GAK: variants seen among roughly 807,000 people sequenced by gnomAD.
GAK encodes the protein cyclin-G-associated kinase.
Under a neutral mutation model 143.9 loss-of-function variants are expected in GAK, and 79 were observed. That is an observed-to-expected ratio of 0.55 (90% CI 0.46 to 0.66). The LOEUF is 0.66. Among genes scored for constraint, GAK ranks in the 30% least tolerant of loss-of-function variants. The pLI is 0.00. For missense variants in GAK, 1,693 were observed against 1,779.7 expected (o/e 0.95, Z 0.88); for synonymous variants, 881 against 765.5 (o/e 1.15, Z -2.49).
intron 1 of GAK, among the ~76,000 whole-genome samples, chr4:927,652 C>A: frequency 9.3e-6 from 1 of 107,916 alleles, no homozygotes; most frequent in Non-Finnish European, 1.9e-5. Flanking sequence ...CCGCACCCCT[C>A]CCCGCTCACC....
chr4:877,053 G>C (rs1195211899), intron 17 of GAK, 37 bp downstream of exon 17: 3 of 1,405,186 alleles, frequency 2.1e-6, no homozygotes. Flanking sequence ...GCCTAGGCGT[G>C]AGTGGGGAGC....
intron 17 of GAK, among the ~76,000 whole-genome samples, 165 bp downstream of exon 17, chr4:876,925 G>C (rs979007926): frequency 1.3e-5 from 2 of 152,250 alleles, no homozygotes; most frequent in African/African-American, 2.4e-5. Flanking sequence ...AGTGCACGGG[G>C]CAAGCAGGGG....
chr4:886,176 A>G (rs1716292016), intron 11 of GAK: 3 of 152,268 alleles, frequency 2.0e-5, no homozygotes, highest in Admixed American at 6.5e-5. Flanking sequence ...CAGAAGGCAG[A>G]GCAAAACAAA....
At chr4:897,623 G>A (rs1009422170) in intron 6 of GAK, among the ~76,000 whole-genome samples, 3 of 152,294 alleles carry the variant, frequency 2.0e-5, no homozygotes, top group Middle Eastern at 6.8e-3. Context: ...TGTGTTTTCA[G>A]CTCCACTTCC....
chr4:894,884 G>A (rs550513487), intron 7 of GAK: 4 of 152,192 alleles, frequency 2.6e-5, no homozygotes, highest in African/African-American at 9.7e-5. Context: ...AGGAGGCTGA[G>A]GCAAAGAACT....
At chr4:870,297 C>A (rs1712270691) in intron 19 of GAK, among the ~76,000 whole-genome samples, 1 of 152,220 alleles carries the variant, frequency 6.6e-6, no homozygotes, top group African/African-American at 2.4e-5. Context: ...TTCGAAACTG[C>A]TCGGAAGTGA....
chr4:874,025 G>C (rs1002940405), intron 18 of GAK, among the ~76,000 whole-genome samples: 1 of 152,036 alleles, frequency 6.6e-6, no homozygotes, highest in African/African-American at 2.4e-5. Flanking sequence ...TTTTCTTCTT[G>C]ATTGCATCTT....
At chr4:889,514 A>AT (rs2152842704) in intron 10 of GAK, among the ~76,000 whole-genome samples, 1 of 152,120 alleles carries the variant, frequency 6.6e-6, no homozygotes, top group Non-Finnish European at 1.5e-5. Flanking sequence ...CACCGAGCAG[A>AT]TGGGGGCACT....
chr4:912,024 A>C, intron 3 of GAK: 1 of 502,570 alleles, frequency 2.0e-6, no homozygotes, highest in Non-Finnish European at 3.9e-6. Flanking sequence ...CACCGGCCAC[A>C]CACACCTGAC....
intron 16 of GAK, 77 bp from the exon 17 acceptor site, chr4:877,284 A>C (rs1326236087): frequency 2.0e-6 from 2 of 999,038 alleles, no homozygotes; most frequent in Non-Finnish European, 3.2e-6. Context: ...AAACAGAATG[A>C]GAAATTGTCC....
intron 1 of GAK, among the ~76,000 whole-genome samples, chr4:922,286 G>A (rs952482657): frequency 8.5e-5 from 13 of 152,092 alleles, no homozygotes; most frequent in African/African-American, 1.4e-4. Context: ...AGGCCGAGGC[G>A]GGCAGATCAC....
chr4:889,087 C>G (rs1257511905), intron 10 of GAK, 117 bp from the exon 11 acceptor site: 1 of 1,286,584 alleles, frequency 7.8e-7, no homozygotes, highest in Non-Finnish European at 1.0e-6. Context: ...GGCGCTCGGT[C>G]CCACCTCCCC....
At chr4:863,821 G>A (rs1415112766) in intron 23 of GAK, among the ~76,000 whole-genome samples, 3 of 150,962 alleles carry the variant, frequency 2.0e-5, no homozygotes, top group African/African-American at 4.9e-5. Flanking sequence ...TCAGGAGTTC[G>A]AGACCAGCCC....
intron 1 of GAK, among the ~76,000 whole-genome samples, chr4:921,487 ATACAG>A (rs752334274): frequency 1.5e-4 from 23 of 152,224 alleles, no homozygotes; most frequent in Non-Finnish European, 3.2e-4. Context: ...TGCCAGCCAC[ATACAG>A]TAATTCACCA....
chr4:905,693 C>T (rs1560410983), intron 4 of GAK, among the ~76,000 whole-genome samples: 1 of 151,976 alleles, frequency 6.6e-6, no homozygotes, highest in Non-Finnish European at 1.5e-5. Flanking sequence ...GACGCCACAC[C>T]ACACTTTGAA....
At chr4:926,219 G>A (rs527844712) in intron 1 of GAK, among the ~76,000 whole-genome samples, 1 of 152,308 alleles carries the variant, frequency 6.6e-6, no homozygotes, top group South Asian at 2.1e-4. Flanking sequence ...CCCCAAGAGT[G>A]ACCTCCCTGT....
chr4:912,215 G>A lies in GAK; in HGVS notation c.268-428C>T, dbSNP rs184155398. On this transcript the variant is annotated intron_variant, in intron 3 of 27. Coordinates refer to ENST00000314167, the MANE Select transcript of GAK (RefSeq NM_005255.4). ...GAGGCAGAGTCTGAGGGCAGCCAGG[G>A]CCGAAGACTCCAGGCTCAGGAGGGA... is the stretch of plus-strand genomic sequence containing the variant. The A allele has an allele frequency of 2.2e-3, 972 of 451,886 alleles. 6 individuals carry two copies. Among genetic ancestry groups the A allele is most frequent in the Non-Finnish European group, 2.8e-3 (631 of 223,182 alleles). 28.0% of individuals were successfully genotyped at this position (451,886 alleles called of 1,614,324 possible). A position where few individuals can be genotyped will look rare whatever the true frequency, so the allele number is the denominator to read the frequency against.
intron 14 of GAK, among the ~76,000 whole-genome samples, chr4:882,293 G>A (rs920546072): frequency 3.3e-5 from 5 of 152,202 alleles, no homozygotes; most frequent in African/African-American, 4.8e-5. Flanking sequence ...CCCGTACCCC[G>A]CAAAAGACCC....
At chr4:896,759 G>T (rs935338609) in intron 6 of GAK, among the ~76,000 whole-genome samples, 4 of 152,256 alleles carry the variant, frequency 2.6e-5, no homozygotes, top group African/African-American at 9.6e-5. Flanking sequence ...TTACGATGAG[G>T]ACTGAGTCAT....
Sources: allele counts gnomAD v4.1 joint callset (sites outside exome capture counted in the v4.1 genomes callset), GRCh38; gene constraint gnomAD v4.1.1; transcripts MANE v1.5; gene names NCBI Gene and HGNC (gene_info 2026-07-23, HGNC 2026-07-21).